The following KLHDC1 variants were observed in gnomAD, a reference collection of about 807,000 sequenced individuals.
KLHDC1 encodes the protein kelch domain containing 1.
A neutral mutation model predicts 68.3 loss-of-function variants in KLHDC1; 53 were observed. The ratio of observed to expected loss-of-function variants is 0.78; its 90% confidence interval spans 0.62 to 0.98. The LOEUF is 0.98. Ranked by LOEUF, KLHDC1 falls within the 50% of genes least tolerant of loss-of-function variation. The probability of loss-of-function intolerance (pLI) is 0.00; values close to 1 mark genes in which losing one functional copy is unlikely to be tolerated. For missense variants in KLHDC1, 470 were observed against 492.3 expected, an observed-to-expected ratio of 0.95 and a Z score of 0.43; for synonymous variants, 148 against 159.0, an observed-to-expected ratio of 0.93 and a Z score of 0.52.
chr14:49,733,436 T>C (rs550331310), intron 9 of KLHDC1, among the ~76,000 whole-genome samples: 28 of 151,358 alleles, frequency 1.8e-4, no homozygotes, highest in Non-Finnish European at 3.2e-4. Context: ...TTTTCTTTTT[T>C]TTTTTTTTTG....
chr14:49,694,142 A>G (rs1056700089), intron 1 of KLHDC1, among the ~76,000 whole-genome samples: 3 of 152,168 alleles, frequency 2.0e-5, no homozygotes, highest in African/African-American at 7.2e-5. Flanking sequence ...TGTTAGCAAT[A>G]ATATGCTAAG....
At chr14:49,693,483 T>G (rs552276886) in intron 1 of KLHDC1, among the ~76,000 whole-genome samples, 193 bp downstream of exon 1, 28 of 151,870 alleles carry the variant, frequency 1.8e-4, no homozygotes, top group South Asian at 4.1e-4. Flanking sequence ...CGCCGTTGCT[T>G]CTTCTATTAA....
chr14:49,717,085 T>C (rs1344024349), intron 4 of KLHDC1, among the ~76,000 whole-genome samples: 1 of 152,256 alleles, frequency 6.6e-6, no homozygotes, highest in Non-Finnish European at 1.5e-5. Flanking sequence ...ACTGTATGTA[T>C]ATACCGCATG....
intron 1 of KLHDC1, among the ~76,000 whole-genome samples, chr14:49,705,471 C>G (rs1349832029): frequency 2.1e-5 from 3 of 145,420 alleles, no homozygotes; most frequent in Non-Finnish European, 3.0e-5. Flanking sequence ...CAGGTTCAAG[C>G]AATTCTCCTG....
intron 6 of KLHDC1, among the ~76,000 whole-genome samples, chr14:49,728,027 TAAA>T (rs1888714348): frequency 1.3e-5 from 2 of 152,078 alleles, no homozygotes; most frequent in Admixed American, 1.3e-4. Context: ...TTCCACCAAT[TAAA>T]AACCTCCCTA....
rs1231110156 is a variant in KLHDC1, at chr14:49,751,588, C to G, written c.1037C>G (p.Ser346Ter). 6.6e-7 allele frequency: 1 copy of G among 1,504,356 alleles called. No homozygotes were observed. The highest frequency in any genetic ancestry group is 9.0e-7 in the Non-Finnish European group (1 of 1,110,960). 93.2% of individuals were successfully genotyped at this position (1,504,356 alleles called of 1,614,324 possible). ...FQTQPYSLLRSCLDCIGKNSI... is the reference protein window; with the variant it reads ...FQTQPYSLLR Reference sequence around the variant, plus strand: ...ATTCTGTTATGTTTTATTTACAGGTCATGCCTTGACTGCATTGGTAAAAAT... The same window carrying G: ...ATTCTGTTATGTTTTATTTACAGGTGATGCCTTGACTGCATTGGTAAAAAT... Residue 346 changes from serine (S) to a stop codon, truncating the protein, a stop_gained and splice_region_variant, in exon 13 of 13, where the codon TCA (serine) becomes TGA (stop). Coordinates refer to ENST00000359332, the MANE Select transcript of KLHDC1 (RefSeq NM_172193.3). LOFTEE classifies it high-confidence loss of function.
At chr14:49,729,669 C>G (rs1888755959) in intron 8 of KLHDC1, 121 bp downstream of exon 8, 1 of 639,362 alleles carries the variant, frequency 1.6e-6, no homozygotes, top group Non-Finnish European at 2.8e-6. Flanking sequence ...GATCGTATGT[C>G]TAAGCAAGGA....
chr14:49,748,499 G>A (rs1790954698), intron 12 of KLHDC1, among the ~76,000 whole-genome samples: 1 of 152,132 alleles, frequency 6.6e-6, no homozygotes, highest in South Asian at 2.1e-4. Context: ...GATAAGCAAT[G>A]ATGCAGAAGA....
intron 4 of KLHDC1, among the ~76,000 whole-genome samples, chr14:49,713,831 TA>T (rs1566602887): frequency 0.074 from 1,018 of 13,736 alleles, 208 homozygotes; most frequent in Middle Eastern, 0.088. Context: ...TATATATATA[TA>T]TATATATATA....
At chr14:49,749,824 C>A (rs1466012355) in intron 12 of KLHDC1, among the ~76,000 whole-genome samples, 1 of 152,082 alleles carries the variant, frequency 6.6e-6, no homozygotes, top group East Asian at 1.9e-4. Context: ...TTTGTGAGGC[C>A]AAGGTGGGCG....
At chr14:49,700,030 CTTTT>C (rs544505001) in intron 1 of KLHDC1, 454 of 308,356 alleles carry the variant, frequency 1.5e-3, no homozygotes, top group South Asian at 2.2e-3. Flanking sequence ...TGCTGTGAAC[CTTTT>C]TTTTTTTTTT....
At chr14:49,702,382 G>A (rs1046531420) in intron 1 of KLHDC1, among the ~76,000 whole-genome samples, 1 of 151,530 alleles carries the variant, frequency 6.6e-6, no homozygotes, top group Admixed American at 6.6e-5. Flanking sequence ...GTACAAGTTT[G>A]TGTAACCTTT....
chr14:49,723,918 T>TC lies in KLHDC1; in HGVS notation c.451dup (p.Gln151ProfsTer5). The TC allele has an allele frequency of 6.2e-7, 1 of 1,606,004 alleles. No homozygotes were observed. On this transcript the variant is annotated frameshift_variant, in exon 5 of 13. Transcript: ENST00000359332. LOFTEE classifies it high-confidence loss of function. The stretch of plus-strand genomic sequence containing the variant: ...TATGGGTGTAGGAGACACAGTGAAC[T>TC]CCAAGACTGTTTTGATGTTCATGAT...
chr14:49,693,435 C>T, intron 1 of KLHDC1, 145 bp downstream of exon 1: 2 of 414,606 alleles, frequency 4.8e-6, no homozygotes, highest in East Asian at 8.8e-5. Flanking sequence ...CTCCGCTGGC[C>T]GCCGCCCCCA....
chr14:49,726,658 A>C (rs1163246933), intron 6 of KLHDC1, among the ~76,000 whole-genome samples: 2 of 152,232 alleles, frequency 1.3e-5, no homozygotes, highest in African/African-American at 4.8e-5. Flanking sequence ...TTAGTGACCA[A>C]ACACAAATTC....
chr14:49,743,755 T>C lies in KLHDC1; in HGVS notation c.984T>C (p.Gly328=). Reference sequence around the variant, plus strand: ...AATGCCTTTTTTGTGTTGATTAGGGTCACTGTAATGATTTATTGATCTTTC... The same window carrying C: ...AATGCCTTTTTTGTGTTGATTAGGGCCACTGTAATGATTTATTGATCTTTC... ...SKDDLLALDT[G]HCNDLLIFQT... is the part of the protein sequence containing the mutation. Residue 328 remains glycine (G), a splice_region_variant and synonymous_variant, in exon 12 of 13, where the codon GGT becomes GGC. Coordinates refer to ENST00000359332, the MANE Select transcript of KLHDC1 (RefSeq NM_172193.3). 1 of 1,586,278 alleles carries C rather than the reference T, an allele frequency of 6.3e-7. No individual in the cohort carries two copies. Among genetic ancestry groups the C allele is most frequent in the South Asian group, 1.1e-5 (1 of 88,184 alleles).
At chr14:49,730,801 C>A (rs1056350177) in intron 8 of KLHDC1, among the ~76,000 whole-genome samples, 1 of 151,190 alleles carries the variant, frequency 6.6e-6, no homozygotes, top group East Asian at 2.0e-4. Flanking sequence ...GGTGAAACCC[C>A]AGCTCTACTA....
chr14:49,723,269 G>A (rs543245434), intron 4 of KLHDC1, among the ~76,000 whole-genome samples: 112 of 147,364 alleles, frequency 7.6e-4, no homozygotes, highest in Non-Finnish European at 8.3e-4. Context: ...AAACCATATC[G>A]CGCCTGTAAT....
At chr14:49,700,133 TCTC>T in intron 1 of KLHDC1, 1 of 259,584 alleles carries the variant, frequency 3.9e-6, no homozygotes, top group South Asian at 3.3e-5. Context: ...TTCAACCAAT[TCTC>T]CTGCCTCAGC....
Sources: allele counts gnomAD v4.1 joint callset (sites outside exome capture counted in the v4.1 genomes callset), GRCh38; gene constraint gnomAD v4.1.1; transcripts MANE v1.5; gene names NCBI Gene and HGNC (gene_info 2026-07-23, HGNC 2026-07-21).